The following ENTREP1 variants were observed in gnomAD, a reference collection of about 807,000 sequenced individuals.
ENTREP1 encodes the protein endosomal transmembrane epsin interactor 1.
the ENTREP1 span, chr9:69,336,377 A>T: frequency 1.5e-6 from 1 of 669,708 alleles, no homozygotes; most frequent in Non-Finnish European, 2.6e-6. Context: ...TCATTAAAAA[A>T]ATAAGTTAAC....
the ENTREP1 span, among the ~76,000 whole-genome samples, chr9:69,388,693 C>T: frequency 6.6e-6 from 1 of 152,116 alleles, no homozygotes; most frequent in African/African-American, 2.4e-5. Flanking sequence ...GATGTGGAAG[C>T]ATGTCTGGGA....
At chr9:69,366,265 C>T in the ENTREP1 span, among the ~76,000 whole-genome samples, 30 of 152,088 alleles carry the variant, frequency 2.0e-4, no homozygotes, top group Admixed American at 1.8e-3. Flanking sequence ...TTTGTATTTC[C>T]CTGATGATTA....
the ENTREP1 span, chr9:69,391,797 T>C: frequency 6.2e-7 from 1 of 1,600,512 alleles, no homozygotes; most frequent in Non-Finnish European, 8.5e-7. Context: ...CGAGAGACTG[T>C]CCTGTGAACC....
At chr9:69,348,410 A>G in the ENTREP1 span, among the ~76,000 whole-genome samples, 1 of 152,168 alleles carries the variant, frequency 6.6e-6, no homozygotes, top group Non-Finnish European at 1.5e-5. Context: ...GTGAGCCACA[A>G]TACCCAAGCC....
the ENTREP1 span, among the ~76,000 whole-genome samples, chr9:69,339,827 C>A: frequency 6.6e-6 from 1 of 152,208 alleles, no homozygotes; most frequent in East Asian, 1.9e-4. Context: ...GCAGTCACTT[C>A]CTGCCAGAGG....
the ENTREP1 span, among the ~76,000 whole-genome samples, chr9:69,361,712 A>G: frequency 4.2e-4 from 64 of 152,254 alleles, no homozygotes; most frequent in Middle Eastern, 6.8e-3. Context: ...TCTTTTTTTA[A>G]TAGACTCTTG....
chr9:69,377,292 T>C, the ENTREP1 span: 1 of 895,222 alleles, frequency 1.1e-6, no homozygotes, highest in Admixed American at 1.7e-5. Context: ...GCGTTATTAT[T>C]ATTTTAAAGA....
At chr9:69,391,651 G>T in the ENTREP1 span, 1 of 1,614,072 alleles carries the variant, frequency 6.2e-7, no homozygotes, top group South Asian at 1.1e-5. Flanking sequence ...AGCTGCCCTC[G>T]CGGAGACAGC....
At chr9:69,362,416 G>C in the ENTREP1 span, among the ~76,000 whole-genome samples, 1 of 152,150 alleles carries the variant, frequency 6.6e-6, no homozygotes, top group Non-Finnish European at 1.5e-5. Context: ...GGAATGAACT[G>C]GGGGTACAAT....
the ENTREP1 span, chr9:69,377,525 C>T: frequency 6.2e-7 from 1 of 1,607,280 alleles, no homozygotes; most frequent in Non-Finnish European, 8.5e-7. Context: ...TGAGCCAGCC[C>T]ATGGACCCCT....
At chr9:69,334,770 C>CTTTCCT in the ENTREP1 span, among the ~76,000 whole-genome samples, 1 of 144,192 alleles carries the variant, frequency 6.9e-6, no homozygotes, top group African/African-American at 2.7e-5. Flanking sequence ...CTTTCCTTTC[C>CTTTCCT]TTTTCTTTTT....
At chr9:69,377,719 T>A in the ENTREP1 span, 11 of 1,614,004 alleles carry the variant, frequency 6.8e-6, no homozygotes, top group East Asian at 2.5e-4. Flanking sequence ...CACGTTTTAC[T>A]CGTGCACACC....
chr9:69,391,639 C>A, the ENTREP1 span: 33 of 1,614,074 alleles, frequency 2.0e-5, no homozygotes, highest in Non-Finnish European at 2.7e-5. Context: ...CCAGGGCCCA[C>A]AAGCTGCCCT....
chr9:69,356,326 T>A, the ENTREP1 span, among the ~76,000 whole-genome samples: 1 of 152,232 alleles, frequency 6.6e-6, no homozygotes, highest in Non-Finnish European at 1.5e-5. Context: ...CTTTATTCCT[T>A]TTCATGGCTG....
the ENTREP1 span, among the ~76,000 whole-genome samples, chr9:69,347,969 A>G: frequency 6.6e-6 from 1 of 152,192 alleles, no homozygotes; most frequent in Non-Finnish European, 1.5e-5. Flanking sequence ...GCTTGGTATC[A>G]TGCCACATTC....
At chr9:69,347,219 G>C in the ENTREP1 span, among the ~76,000 whole-genome samples, 1 of 152,202 alleles carries the variant, frequency 6.6e-6, no homozygotes, top group Non-Finnish European at 1.5e-5. Context: ...GCAGAAGGAG[G>C]CTGGGCCTGG....
chr9:69,387,670 C>T, the ENTREP1 span: 14 of 317,972 alleles, frequency 4.4e-5, no homozygotes, highest in South Asian at 1.7e-4. Flanking sequence ...TCCTTGAGGA[C>T]GTTTGGGACA....
At chr9:69,357,567 C>CA in the ENTREP1 span, among the ~76,000 whole-genome samples, 36 of 152,150 alleles carry the variant, frequency 2.4e-4, no homozygotes, top group Non-Finnish European at 4.1e-4. Context: ...ATGTATCTGC[C>CA]AAACTTCTGG....
chr9:69,341,625 A>G, the ENTREP1 span, among the ~76,000 whole-genome samples: 1 of 152,134 alleles, frequency 6.6e-6, no homozygotes, highest in African/African-American at 2.4e-5. Flanking sequence ...ACTTTGTCAA[A>G]AGTCAGAAAT....
Sources: gnomAD v4.1 joint callset for allele counts (sites outside exome capture counted in the v4.1 genomes callset) on GRCh38, gnomAD v4.1.1 for gene constraint, MANE v1.5 for transcripts, NCBI Gene and HGNC (gene_info 2026-07-23, HGNC 2026-07-21) for gene names.